PCSK2: variants seen among roughly 807,000 people sequenced by gnomAD.
The protein encoded by PCSK2 is neuroendocrine convertase 2.
A neutral mutation model predicts 69.7 loss-of-function variants in PCSK2; 14 were observed. The observed-to-expected ratio is 0.20, with a 90% CI of 0.13 to 0.31. The LOEUF is 0.31. Among genes scored for constraint, PCSK2 ranks in the 10% least tolerant of loss-of-function variants. PCSK2 has a pLI of 1.00. For synonymous variants in PCSK2, 307 were observed against 320.7 expected (o/e 0.96, Z 0.46); for missense variants, 544 against 842.5 (o/e 0.65, Z 4.39).
intron 2 of PCSK2, among the ~76,000 whole-genome samples, chr20:17,335,857 GGTGTGTGTGTGT>G (rs3138653): frequency 7.0e-6 from 1 of 142,696 alleles, no homozygotes; most frequent in Non-Finnish European, 1.5e-5. Context: ...AGTAGTCCAT[GGTGTGTGTGTGT>G]GTGTGTGTGT....
intron 5 of PCSK2, among the ~76,000 whole-genome samples, chr20:17,374,568 G>A (rs115071658): frequency 0.026 from 3,966 of 152,226 alleles, 169 homozygotes; most frequent in African/African-American, 0.09. Flanking sequence ...CAGACCCTGA[G>A]ACAAGGATTT....
intron 2 of PCSK2, among the ~76,000 whole-genome samples, chr20:17,345,322 G>A (rs1022505601): frequency 2.6e-5 from 4 of 152,108 alleles, no homozygotes; most frequent in African/African-American, 7.2e-5. Flanking sequence ...TTTATAGTAT[G>A]CTTCATTATT....
chr20:17,274,437 G>A (rs1326677831), intron 2 of PCSK2, among the ~76,000 whole-genome samples: 2 of 152,144 alleles, frequency 1.3e-5, no homozygotes, highest in African/African-American at 4.8e-5. Context: ...GAACGTGGTG[G>A]GAGTGATACT....
At chr20:17,292,949 C>T (rs1380398459) in intron 2 of PCSK2, among the ~76,000 whole-genome samples, 2 of 151,992 alleles carry the variant, frequency 1.3e-5, no homozygotes, top group Non-Finnish European at 2.9e-5. Context: ...CTCAGCCTCC[C>T]GAGTAGCTGG....
chr20:17,463,303 T>C (rs1228373895), intron 10 of PCSK2: 3 of 152,316 alleles, frequency 2.0e-5, no homozygotes, highest in Middle Eastern at 6.8e-3. Flanking sequence ...TTGTCAACAC[T>C]TCTGAGATTA....
At chr20:17,250,489 T>C (rs1986933780) in intron 1 of PCSK2, among the ~76,000 whole-genome samples, 1 of 152,198 alleles carries the variant, frequency 6.6e-6, no homozygotes, top group Non-Finnish European at 1.5e-5. Context: ...TCTGCCAGGT[T>C]TCTCCACTAT....
rs367800451 is a variant in PCSK2, at chr20:17,227,271, C to A, written c.-35C>A. 8 of 1,570,422 alleles carry A rather than the reference C, an allele frequency of 5.1e-6. No homozygotes were observed. The Admixed American group carries it at 8.4e-5, about 16-fold the overall frequency. On this transcript the variant is annotated 5_prime_UTR_variant, in exon 1 of 12. Coordinates refer to ENST00000262545, the MANE Select transcript of PCSK2 (RefSeq NM_002594.5). ...GAGTCCCCTGCTCCGCCAGCCTGCG[C>A]GCCTCCTAGCACCACTTTTCACTCC...
chr20:17,386,784 T>C (rs1370676449), intron 5 of PCSK2, among the ~76,000 whole-genome samples: 1 of 152,308 alleles, frequency 6.6e-6, no homozygotes, highest in African/African-American at 2.4e-5. Flanking sequence ...ATGTTACATA[T>C]TTTTTACCAC....
At position 17,380,131 on chromosome 20, in the gene PCSK2, G is replaced by A. The variant is rs373136011; in HGVS notation, c.543+10854G>A. Among the ~76,000 whole-genome samples the A allele has an allele frequency of 8.2e-4, 125 of 152,204 alleles. 2 individuals carry two copies. In the South Asian group the frequency reaches 0.023, roughly 28 times the overall value. ...TGAGCAAAAGCCCCAGTTAACCCAC[G>A]TCCAGAAACTCTGAGATAAATTTGT... On this transcript the variant is annotated intron_variant, in intron 5 of 11. Coordinates refer to ENST00000262545, the MANE Select transcript of PCSK2 (RefSeq NM_002594.5).
At chr20:17,347,832 GAAAGAAAGAAAGAAAGA>G (rs1568612037) in intron 2 of PCSK2, among the ~76,000 whole-genome samples, 21 of 125,556 alleles carry the variant, frequency 1.7e-4, no homozygotes, top group East Asian at 7.0e-4. Context: ...AAGAAAGAAA[GAAAGAAAGAAAGAAAGA>G]AAGAAAGAAA....
intron 5 of PCSK2, among the ~76,000 whole-genome samples, chr20:17,393,110 G>A (rs2031425353): frequency 6.6e-6 from 1 of 152,178 alleles, no homozygotes; most frequent in Non-Finnish European, 1.5e-5. Flanking sequence ...GATAGGCGTT[G>A]TGTAGCCGTT....
intron 11 of PCSK2, among the ~76,000 whole-genome samples, chr20:17,473,440 G>A (rs947794009): frequency 2.6e-5 from 4 of 152,124 alleles, no homozygotes; most frequent in Non-Finnish European, 5.9e-5. Flanking sequence ...TGCAGCAAAT[G>A]AGCTCCAGAT....
intron 1 of PCSK2, 24 bp downstream of exon 1, chr20:17,227,506 A>T (rs773016857): frequency 1.9e-6 from 3 of 1,593,166 alleles, no homozygotes; most frequent in South Asian, 2.2e-5. Flanking sequence ...TGCATTTCGC[A>T]TGTTGTTTCA....
intron 6 of PCSK2, among the ~76,000 whole-genome samples, chr20:17,412,705 G>T (rs915062323): frequency 6.6e-6 from 1 of 152,150 alleles, no homozygotes; most frequent in African/African-American, 2.4e-5. Context: ...TCCTCAAGAA[G>T]AGGAACTCCA....
intron 6 of PCSK2, among the ~76,000 whole-genome samples, chr20:17,423,699 G>A (rs184636047): frequency 5.3e-5 from 8 of 151,642 alleles, no homozygotes; most frequent in East Asian, 1.9e-4. Context: ...ACTAGAAGAC[G>A]TGCAGCAAAT....
chr20:17,440,527 G>A (rs1376565339), intron 8 of PCSK2, among the ~76,000 whole-genome samples: 1 of 152,212 alleles, frequency 6.6e-6, no homozygotes, highest in Non-Finnish European at 1.5e-5. Flanking sequence ...TGAAGAAACA[G>A]AGGCCTAGGT....
At chr20:17,254,373 G>A (rs1987102011) in intron 1 of PCSK2, among the ~76,000 whole-genome samples, 1 of 152,122 alleles carries the variant, frequency 6.6e-6, no homozygotes, top group African/African-American at 2.4e-5. Context: ...AATTTTGCAT[G>A]TGGTATGAGA....
intron 2 of PCSK2, among the ~76,000 whole-genome samples, chr20:17,319,066 T>C (rs1442429583): frequency 1.3e-5 from 2 of 152,232 alleles, no homozygotes; most frequent in Non-Finnish European, 2.9e-5. Context: ...GAATTAATCA[T>C]TAGTGAGCCA....
At chr20:17,397,810 C>T (rs1600547572) in intron 5 of PCSK2, among the ~76,000 whole-genome samples, 2 of 152,168 alleles carry the variant, frequency 1.3e-5, no homozygotes, top group East Asian at 3.9e-4. Flanking sequence ...TAGTCACACA[C>T]TTTCTCTTGT....
Sources: gnomAD v4.1 joint callset for allele counts (sites outside exome capture counted in the v4.1 genomes callset) on GRCh38, gnomAD v4.1.1 for gene constraint, MANE v1.5 for transcripts, NCBI Gene and HGNC (gene_info 2026-07-23, HGNC 2026-07-21) for gene names.